The following CUL1 variants were observed in gnomAD, a reference collection of about 807,000 sequenced individuals.
CUL1 encodes cullin 1.
In CUL1, 24 loss-of-function variants were observed where a neutral mutation model predicts 118.0. That is an observed-to-expected ratio of 0.20 (90% CI 0.15 to 0.29). The LOEUF (loss-of-function observed/expected upper bound fraction) is 0.29. CUL1 is among the 10% of genes least tolerant of loss of function. The pLI is 1.00. For synonymous variants in CUL1, 332 were observed against 340.4 expected, an observed-to-expected ratio of 0.98 and a Z score of 0.27; for missense variants, 361 against 933.8, an observed-to-expected ratio of 0.39 and a Z score of 7.99.
intron 11 of CUL1, among the ~76,000 whole-genome samples, chr7:148,785,187 T>C (rs998937221): frequency 6.6e-6 from 1 of 152,130 alleles, no homozygotes; most frequent in Admixed American, 6.5e-5. Context: ...ACAGGAGTAT[T>C]TATTCCTGGT....
In CUL1 at chr7:148,721,009, C is replaced by T. The variant is rs543216620; in HGVS notation, c.-161-8953C>T. Among the ~76,000 whole-genome samples the T allele has an allele frequency of 2.6e-5, 4 of 152,306 alleles. No individual in the cohort carries two copies. In the South Asian group the frequency reaches 8.3e-4, roughly 32 times the overall value. ...AAACTCAGGTTGGCTGTATTAGCCT[C>T]TTTTCTTTTCAGGCATTCCATTCAT... On this transcript the variant is annotated intron_variant, in intron 1 of 21. Transcript: ENST00000325222.
At chr7:148,798,549 G>A (rs754953713) in intron 19 of CUL1, 23 bp from the exon 20 acceptor site, 16 of 1,554,838 alleles carry the variant, frequency 1.0e-5, no homozygotes, top group Non-Finnish European at 1.2e-5. Flanking sequence ...AATAGTGATC[G>A]GTTTCCTCAT....
chr7:148,737,548 G>A (rs1221259184), intron 2 of CUL1, among the ~76,000 whole-genome samples: 3 of 145,566 alleles, frequency 2.1e-5, no homozygotes, highest in African/African-American at 7.6e-5. Flanking sequence ...TACGATATAT[G>A]TGTGTGTGTG....
intron 1 of CUL1, among the ~76,000 whole-genome samples, chr7:148,722,068 T>C (rs151004632): frequency 3.0e-3 from 461 of 152,356 alleles, no homozygotes; most frequent in African/African-American, 0.011. Flanking sequence ...ATTTAGGAAT[T>C]ATCAAAGGAG....
chr7:148,731,231 A>G (rs1798754235), intron 2 of CUL1, among the ~76,000 whole-genome samples: 1 of 152,196 alleles, frequency 6.6e-6, no homozygotes, highest in Non-Finnish European at 1.5e-5. Context: ...CATTGAAATT[A>G]GAGTTAAGCT....
chr7:148,710,085 T>A (rs1798003014), intron 1 of CUL1, among the ~76,000 whole-genome samples: 2 of 152,094 alleles, frequency 1.3e-5, no homozygotes, highest in African/African-American at 4.8e-5. Context: ...AAACCCTGTG[T>A]CAAAAATAAA....
intron 2 of CUL1, among the ~76,000 whole-genome samples, chr7:148,735,305 C>T (rs112295471): frequency 2.2e-4 from 34 of 152,338 alleles, no homozygotes; most frequent in South Asian, 4.1e-4. Context: ...GCAGGGACAC[C>T]GTGCCAGGAC....
intron 2 of CUL1, among the ~76,000 whole-genome samples, chr7:148,748,402 A>G (rs973825702): frequency 2.0e-5 from 3 of 152,274 alleles, no homozygotes; most frequent in South Asian, 2.1e-4. Context: ...GTCAGATACA[A>G]TAAGTTTCTA....
chr7:148,778,103 A>G (rs986098117), intron 9 of CUL1, among the ~76,000 whole-genome samples: 1 of 147,606 alleles, frequency 6.8e-6, no homozygotes, highest in African/African-American at 2.5e-5. Flanking sequence ...AAAAAGAAGA[A>G]GAAGAAGAAT....
intron 1 of CUL1, among the ~76,000 whole-genome samples, chr7:148,710,841 G>C (rs566053191): frequency 1.1e-4 from 17 of 151,954 alleles, no homozygotes; most frequent in Non-Finnish European, 2.1e-4. Context: ...TTTTTTTTGT[G>C]TGTTTTTAGT....
chr7:148,785,556 G>A (rs1004285867), intron 11 of CUL1, among the ~76,000 whole-genome samples: 5 of 148,546 alleles, frequency 3.4e-5, no homozygotes, highest in African/African-American at 1.2e-4. Context: ...TAGAGACAGG[G>A]TTTCACCATG....
intron 1 of CUL1, among the ~76,000 whole-genome samples, chr7:148,727,404 C>A (rs980932811): frequency 2.0e-5 from 3 of 152,144 alleles, no homozygotes; most frequent in South Asian, 2.1e-4. Flanking sequence ...ATTCCTAAAT[C>A]TTTTTAAGAC....
Position 148,799,407 on chromosome 7 carries a change from C to G in CUL1, c.2250+19C>G. On this transcript the variant is annotated intron_variant, in intron 21 of 21. Coordinates refer to ENST00000325222, the MANE Select transcript of CUL1 (RefSeq NM_003592.3). ...GATCAAGGTACAGGACTTTACATAGCAGTCACATTCCTTTCTTAATTTAGA... is the reference window on the plus strand; with the variant it reads ...GATCAAGGTACAGGACTTTACATAGGAGTCACATTCCTTTCTTAATTTAGA... The G allele has an allele frequency of 6.9e-7, 1 of 1,441,374 alleles. No individual in the cohort carries two copies. Among genetic ancestry groups the G allele is most frequent in the Non-Finnish European group, 9.7e-7 (1 of 1,028,204 alleles). The allele number at this position is 1,441,374 out of a possible 1,614,324, so 89.3% of individuals were successfully genotyped here. A position where few individuals can be genotyped will look rare whatever the true frequency, so the allele number is the denominator to read the frequency against.
chr7:148,725,219 G>GCACACACACACACACA, intron 1 of CUL1, among the ~76,000 whole-genome samples: 97 of 140,150 alleles, frequency 6.9e-4, no homozygotes, highest in African/African-American at 2.1e-3. Context: ...ACACGCGCGC[G>GCACACACACACACACA]CTCACACACA....
At chr7:148,706,517 G>T (rs1563145168) in intron 1 of CUL1, among the ~76,000 whole-genome samples, 1 of 152,148 alleles carries the variant, frequency 6.6e-6, no homozygotes. Flanking sequence ...TTGGGCATCT[G>T]TGTAGAGTAG....
intron 1 of CUL1, among the ~76,000 whole-genome samples, chr7:148,719,192 T>G (rs1798317610): frequency 6.6e-6 from 1 of 151,982 alleles, no homozygotes; most frequent in East Asian, 1.9e-4. Flanking sequence ...GCACCTATAG[T>G]CCCAGCTACT....
intron 8 of CUL1, among the ~76,000 whole-genome samples, chr7:148,767,058 A>G (rs1387584899): frequency 6.6e-6 from 1 of 152,166 alleles, no homozygotes; most frequent in African/African-American, 2.4e-5. Context: ...CCCATGTTTT[A>G]CTGGGGCATG....
At chr7:148,772,338 C>T (rs1368218555) in intron 9 of CUL1, among the ~76,000 whole-genome samples, 1 of 151,704 alleles carries the variant, frequency 6.6e-6, no homozygotes, top group East Asian at 1.9e-4. Context: ...TCACTTGAAC[C>T]TGGAAGTCGG....
intron 1 of CUL1, among the ~76,000 whole-genome samples, chr7:148,705,613 A>T (rs565820937): frequency 1.3e-5 from 2 of 152,300 alleles, no homozygotes; most frequent in African/African-American, 4.8e-5. Flanking sequence ...ACGGGGGAAA[A>T]AGGCTGACAG....
Sources: gnomAD v4.1 joint callset for allele counts (sites outside exome capture counted in the v4.1 genomes callset) on GRCh38, gnomAD v4.1.1 for gene constraint, MANE v1.5 for transcripts, NCBI Gene and HGNC (gene_info 2026-07-23, HGNC 2026-07-21) for gene names.